Variants in MYO5A observed in about 807,000 individuals in gnomAD.
MYO5A encodes the protein myosin VA, also known as unconventional myosin-Va.
MYO5A carries 98 observed loss-of-function variants against 249.7 expected under a neutral mutation model. That is an observed-to-expected ratio of 0.39 (90% CI 0.33 to 0.46). MYO5A has a LOEUF of 0.46. Among genes scored for constraint, MYO5A ranks in the 20% least tolerant of loss-of-function variants. The pLI is 0.98. For missense variants in MYO5A, 1,696 were observed against 2,308.8 expected, an observed-to-expected ratio of 0.73 and a Z score of 5.44; for synonymous variants, 778 against 810.6, an observed-to-expected ratio of 0.96 and a Z score of 0.68.
At chr15:52,330,249 A>G in intron 35 of MYO5A, 104 bp downstream of exon 35, 2 of 1,436,150 alleles carry the variant, frequency 1.4e-6, no homozygotes, top group South Asian at 2.3e-5. Context: ...TCTGATGATG[A>G]CTAATGAAAC....
intron 38 of MYO5A, among the ~76,000 whole-genome samples, chr15:52,320,323 C>G (rs1461685944): frequency 3.3e-5 from 5 of 152,218 alleles, no homozygotes; most frequent in African/African-American, 1.2e-4. Flanking sequence ...GTGCTAAACA[C>G]AGATTCCCTA....
In MYO5A at chr15:52,375,479, A is replaced by T; in HGVS notation, c.2421-19T>A. 1 of 1,613,850 alleles carries T rather than the reference A, an allele frequency of 6.2e-7. No homozygotes were observed. On this transcript the variant is annotated intron_variant, in intron 19 of 41. Transcript: ENST00000399233. ...AGCATAGCTGGCCAAAGAAAATAAC[A>T]TTATGTTGTCAGTAATCAGAAAAAA...
chr15:52,448,957 CTTTTTTTTTTT>C (rs145765339), intron 1 of MYO5A, among the ~76,000 whole-genome samples: 11 of 55,594 alleles, frequency 2.0e-4, no homozygotes, highest in African/African-American at 4.2e-4. Flanking sequence ...TCTTGTCTTT[CTTTTTTTTTTT>C]TTTTTTTTTT....
intron 33 of MYO5A, among the ~76,000 whole-genome samples, chr15:52,337,102 G>C (rs1202969906): frequency 2.6e-5 from 4 of 152,170 alleles, no homozygotes; most frequent in Non-Finnish European, 4.4e-5. Flanking sequence ...ACAAAGAACA[G>C]GATAAAGAGT....
At chr15:52,502,291 T>TATAC (rs150161899) in intron 1 of MYO5A, among the ~76,000 whole-genome samples, 22,995 of 151,592 alleles carry the variant, frequency 0.15, 1,839 homozygotes, top group Middle Eastern at 0.22. Flanking sequence ...CCAATACATA[T>TATAC]ATACATACAT....
intron 2 of MYO5A, among the ~76,000 whole-genome samples, chr15:52,430,962 T>C (rs2075517562): frequency 1.3e-5 from 2 of 152,154 alleles, no homozygotes; most frequent in South Asian, 4.2e-4. Flanking sequence ...CTGGGTGCAG[T>C]GGCTCATGCC....
intron 4 of MYO5A, among the ~76,000 whole-genome samples, chr15:52,422,543 C>T (rs772405008): frequency 8.5e-5 from 13 of 152,082 alleles, no homozygotes; most frequent in Non-Finnish European, 2.9e-5. Flanking sequence ...CCCATATAAG[C>T]AAGGCTTTGC....
chr15:52,439,835 G>C (rs1170270925), intron 1 of MYO5A, among the ~76,000 whole-genome samples: 2 of 152,178 alleles, frequency 1.3e-5, no homozygotes, highest in African/African-American at 4.8e-5. Context: ...TAGGGAGGGA[G>C]AAATGAGAAA....
chr15:52,333,219 A>G lies in MYO5A; in HGVS notation c.4409-2720T>C, dbSNP rs924046829. On this transcript the variant is annotated intron_variant, in intron 34 of 41. Transcript: ENST00000399233. ...CAGCACAAAGGGACTGAGGAGCCCAATGATCCATTCTTCTAGGAAGACCTG... is the reference window on the plus strand; with the variant it reads ...CAGCACAAAGGGACTGAGGAGCCCAGTGATCCATTCTTCTAGGAAGACCTG... Among the ~76,000 whole-genome samples, 13 of 152,196 alleles carry G rather than the reference A, an allele frequency of 8.5e-5. No individual in the cohort carries two copies. In the East Asian group the frequency reaches 9.6e-4, roughly 11 times the overall value.
chr15:52,518,609 C>T (rs1693504), intron 1 of MYO5A, among the ~76,000 whole-genome samples: 140,689 of 152,284 alleles, frequency 0.92, 66,047 homozygotes, highest in East Asian at 1. Context: ...AGACCAACCC[C>T]GTGTAAAAGT....
In MYO5A at chr15:52,396,413, T is replaced by C. The variant is rs758352872; in HGVS notation, c.1320-16A>G. 2.8e-6 allele frequency: 4 copies of C among 1,450,134 alleles called. No individual in the cohort carries two copies. In the African/African-American group the frequency reaches 5.6e-5, roughly 20 times the overall value. 89.8% of individuals were successfully genotyped at this position (1,450,134 alleles called of 1,614,324 possible). A position where few individuals can be genotyped will look rare whatever the true frequency, so the allele number is the denominator to read the frequency against. ...TGTTTCAAATCTGTAACCACAAAAA[T>C]AATATGAAAAGGGGAGAAAAGGAAC... is the stretch of plus-strand genomic sequence containing the variant. On this transcript the variant is annotated splice_polypyrimidine_tract_variant and intron_variant, in intron 10 of 41. Coordinates refer to ENST00000399233, the MANE Select transcript of MYO5A (RefSeq NM_001382347.1).
intron 25 of MYO5A, among the ~76,000 whole-genome samples, chr15:52,357,547 A>G (rs1325495430): frequency 6.6e-6 from 1 of 152,146 alleles, no homozygotes; most frequent in East Asian, 1.9e-4. Context: ...ACAAGAGCAA[A>G]ATTCTGTGGA....
chr15:52,483,884 A>ATT, intron 1 of MYO5A, among the ~76,000 whole-genome samples: 1 of 152,328 alleles, frequency 6.6e-6, no homozygotes, highest in East Asian at 1.9e-4. Context: ...CACTGTGGAA[A>ATT]TGAATCATTC....
chr15:52,330,812 G>A (rs1456215024), intron 34 of MYO5A, among the ~76,000 whole-genome samples: 1 of 152,246 alleles, frequency 6.6e-6, no homozygotes, highest in East Asian at 1.9e-4. Flanking sequence ...CAAAAAGTAA[G>A]TGGTTTAACA....
chr15:52,345,374 G>C (rs1368207231), intron 30 of MYO5A, among the ~76,000 whole-genome samples: 1 of 152,118 alleles, frequency 6.6e-6, no homozygotes, highest in African/African-American at 2.4e-5. Context: ...CTGAGGCCTG[G>C]AGCTCGGGAC....
At chr15:52,452,659 C>A (rs547511348) in intron 1 of MYO5A, among the ~76,000 whole-genome samples, 1 of 151,776 alleles carries the variant, frequency 6.6e-6, no homozygotes, top group South Asian at 2.1e-4. Context: ...CCCTTTGGGA[C>A]CATCCTCATT....
chr15:52,423,357 C>T (rs1267846853), intron 4 of MYO5A, among the ~76,000 whole-genome samples: 2 of 151,768 alleles, frequency 1.3e-5, no homozygotes, highest in Non-Finnish European at 2.9e-5. Flanking sequence ...TAGAGACCAA[C>T]CTGGCTAACA....
At position 52,372,662 on chromosome 15, in the gene MYO5A, A is replaced by T. The variant is rs546951447; in HGVS notation, c.2578-299T>A. On this transcript the variant is annotated intron_variant, in intron 20 of 41. Transcript: ENST00000399233. Reference sequence around the variant, plus strand: ...ATATAGAGTTGGAAGCTGTCTAAATAAAAAGCACCAGATTACCAAAAGAAA... The same window carrying T: ...ATATAGAGTTGGAAGCTGTCTAAATTAAAAGCACCAGATTACCAAAAGAAA... Among the ~76,000 whole-genome samples, 23 of 152,348 alleles carry T rather than the reference A, an allele frequency of 1.5e-4. No homozygotes were observed. In the East Asian group the frequency reaches 4.0e-3, roughly 27 times the overall value.
chr15:52,314,281 AG>A (rs989984918), intron 40 of MYO5A, 78 bp from the exon 41 acceptor site: 2 of 1,074,038 alleles, frequency 1.9e-6, no homozygotes, highest in African/African-American at 1.6e-5. Flanking sequence ...GAAAATTAAA[AG>A]GATCTGTGCG....
Sources: allele counts gnomAD v4.1 joint callset (sites outside exome capture counted in the v4.1 genomes callset), GRCh38; gene constraint gnomAD v4.1.1; transcripts MANE v1.5; gene names NCBI Gene and HGNC (gene_info 2026-07-23, HGNC 2026-07-21).